RXRA: variants seen among roughly 807,000 people sequenced by gnomAD.
RXRA encodes the protein retinoid X receptor alpha, also known as retinoic acid receptor RXR-alpha.
Under a neutral mutation model 44.5 loss-of-function variants are expected in RXRA, and 5 were observed. The observed-to-expected ratio is 0.11, with a 90% CI of 0.06 to 0.24. The LOEUF (loss-of-function observed/expected upper bound fraction) is 0.24, where lower values mean the gene tolerates loss of function less well. Among genes scored for constraint, RXRA ranks in the 10% least tolerant of loss-of-function variants. The pLI, the probability that RXRA is intolerant of heterozygous loss-of-function variation, is 1.00. For synonymous variants in RXRA, 291 were observed against 271.4 expected, an observed-to-expected ratio of 1.07 and a Z score of -0.71; for missense variants, 412 against 646.5, an observed-to-expected ratio of 0.64 and a Z score of 3.93.
chr9:134,378,497 T>C (rs942746347), intron 1 of RXRA, among the ~76,000 whole-genome samples: 2 of 152,088 alleles, frequency 1.3e-5, no homozygotes, highest in Non-Finnish European at 2.9e-5. Context: ...CAAATGTGGA[T>C]GCTTGTTGGT....
At chr9:134,368,796 CTG>C (rs763630713) in intron 1 of RXRA, among the ~76,000 whole-genome samples, 6 of 149,818 alleles carry the variant, frequency 4.0e-5, no homozygotes, top group African/African-American at 7.4e-5. Context: ...GTGCATGTGA[CTG>C]TGCATGTGAG....
intron 1 of RXRA, among the ~76,000 whole-genome samples, chr9:134,369,961 C>T (rs1371195508): frequency 6.6e-6 from 1 of 152,156 alleles, no homozygotes; most frequent in African/African-American, 2.4e-5. Context: ...TGCCTCCTGC[C>T]CAGTGGGATG....
chr9:134,411,501 C>T (rs1421961579), intron 4 of RXRA, among the ~76,000 whole-genome samples: 2 of 152,206 alleles, frequency 1.3e-5, no homozygotes, highest in East Asian at 1.9e-4. Flanking sequence ...AGAGGTGAGC[C>T]GTGGGGAGGT....
intron 1 of RXRA, among the ~76,000 whole-genome samples, chr9:134,369,846 G>A (rs1260181385): frequency 6.6e-6 from 1 of 152,148 alleles, no homozygotes; most frequent in Non-Finnish European, 1.5e-5. Context: ...AAGGCTCACT[G>A]TAACCTGAAA....
rs573130259 is a variant in RXRA, at chr9:134,422,414, C to T, written c.910+609C>T. ...GACACTCCCCCGTCCCGTGACATTC[C>T]ACTCTCCCTGGACGCTCCCCTCTCC... On this transcript the variant is annotated intron_variant, in intron 6 of 9. Coordinates refer to ENST00000481739, the MANE Select transcript of RXRA (RefSeq NM_002957.6). 224 of 1,277,646 alleles carry T rather than the reference C, an allele frequency of 1.8e-4. 1 individual carries two copies. The African/African-American group carries it at 3.2e-3, about 18-fold the overall frequency. The allele number at this position is 1,277,646 out of a possible 1,614,324, so 79.1% of individuals were successfully genotyped here.
chr9:134,379,319 G>T, intron 1 of RXRA: 1 of 987,208 alleles, frequency 1.0e-6, no homozygotes, highest in Non-Finnish European at 1.2e-6. Context: ...CATGGGGTGG[G>T]GATGAAGGAG....
rs1554748399 is a variant in RXRA at position 134,343,910 on chromosome 9, C to T, written c.28+17251C>T. On this transcript the variant is annotated intron_variant, in intron 1 of 9. Coordinates refer to ENST00000481739, the MANE Select transcript of RXRA (RefSeq NM_002957.6). The surrounding 1 kb of genome is among the most constrained non-coding windows in gnomAD (Gnocchi z 4.1). ...TTCTCACCTTCTGGCCGGTCATTGG[C>T]CCTCGTGGCCCTACCACAGTGGGGT... Among the ~76,000 whole-genome samples the T allele has an allele frequency of 6.6e-6, 1 of 152,176 alleles. No homozygotes were observed. The highest frequency in any genetic ancestry group is 2.4e-5 in the African/African-American group (1 of 41,446).
At chr9:134,330,242 C>T (rs1374044262) in intron 1 of RXRA, among the ~76,000 whole-genome samples, 28 of 152,228 alleles carry the variant, frequency 1.8e-4, no homozygotes. Context: ...CCGGGCTTTG[C>T]AAGCCAAGAC....
In RXRA at chr9:134,417,413, A is replaced by G; in HGVS notation, c.780+86A>G. Reference sequence around the variant, plus strand: ...CACCCTCCCACCTGAGCAGCTGATGAGCCAGAGAGGTCCTGGGGGCTGCCC... The same window carrying G: ...CACCCTCCCACCTGAGCAGCTGATGGGCCAGAGAGGTCCTGGGGGCTGCCC... On this transcript the variant is annotated intron_variant, in intron 5 of 9. Transcript: ENST00000481739. The surrounding 1 kb of genome is among the most constrained non-coding windows in gnomAD (Gnocchi z 6.1). 1 of 1,490,382 alleles carries G rather than the reference A, an allele frequency of 6.7e-7. No individual in the cohort carries two copies. Among genetic ancestry groups the G allele is most frequent in the Non-Finnish European group, 9.1e-7 (1 of 1,097,350 alleles). The allele number at this position is 1,490,382 out of a possible 1,614,324, so 92.3% of individuals were successfully genotyped here. A position where few individuals can be genotyped will look rare whatever the true frequency, so the allele number is the denominator to read the frequency against.
chr9:134,425,561 G>A (rs1831419306), intron 6 of RXRA: 1 of 746,964 alleles, frequency 1.3e-6, no homozygotes, highest in Admixed American at 6.6e-5. Context: ...GGTGGGGGGG[G>A]GTGAGGGGGG....
intron 1 of RXRA, among the ~76,000 whole-genome samples, chr9:134,369,144 A>G (rs1588268872): frequency 1.1e-4 from 3 of 26,094 alleles, no homozygotes; most frequent in South Asian, 1.5e-3. Context: ...GTGTGGGGTT[A>G]TGTGTGTGTG....
chr9:134,355,609 A>G (rs1830273899), intron 1 of RXRA, among the ~76,000 whole-genome samples: 1 of 151,838 alleles, frequency 6.6e-6, no homozygotes, highest in African/African-American at 2.4e-5. Context: ...GAGGGGCACC[A>G]CTGTCCACAG....
At chr9:134,328,460 G>A (rs1554746282) in intron 1 of RXRA, among the ~76,000 whole-genome samples, 1 of 152,060 alleles carries the variant, frequency 6.6e-6, no homozygotes, top group Non-Finnish European at 1.5e-5. Context: ...ATCTCCCTGG[G>A]CACTCCCCTG....
intron 1 of RXRA, among the ~76,000 whole-genome samples, chr9:134,352,977 G>A (rs1399218865): frequency 7.2e-5 from 11 of 152,158 alleles, no homozygotes; most frequent in Non-Finnish European, 2.9e-5. Flanking sequence ...CACTTGGAAA[G>A]CCAGCTGGGG....
At chr9:134,336,116 CA>C (rs1830000614) in intron 1 of RXRA, among the ~76,000 whole-genome samples, 1 of 152,190 alleles carries the variant, frequency 6.6e-6, no homozygotes, top group Admixed American at 6.5e-5. Context: ...GGGCCTTCGT[CA>C]GGGGTGCCAG....
chr9:134,417,139 T>C lies in RXRA; in HGVS notation c.611-19T>C. ...GGCCGGGCTGAGCGTGGGGCTCACC[T>C]GCGCCTCCCGGGTTGTAGCCGTGCA... is the stretch of plus-strand genomic sequence containing the variant. On this transcript the variant is annotated intron_variant, in intron 4 of 9. Coordinates refer to ENST00000481739, the MANE Select transcript of RXRA (RefSeq NM_002957.6). The surrounding 1 kb of genome is among the most constrained non-coding windows in gnomAD (Gnocchi z 6.1). 1 of 1,604,048 alleles carries C rather than the reference T, an allele frequency of 6.2e-7. No homozygotes were observed.
At chr9:134,422,418 C>CT (rs1831359047) in intron 6 of RXRA, 1 of 1,274,338 alleles carries the variant, frequency 7.8e-7, no homozygotes, top group Admixed American at 2.4e-5. Flanking sequence ...ACATTCCACT[C>CT]TCCCTGGACG....
chr9:134,337,851 A>G (rs1830030094), intron 1 of RXRA, among the ~76,000 whole-genome samples: 2 of 152,156 alleles, frequency 1.3e-5, no homozygotes, highest in East Asian at 3.9e-4. Context: ...CAGACGTAGA[A>G]TGCAAAACTT....
At chr9:134,351,506 A>G (rs781953680) in intron 1 of RXRA, among the ~76,000 whole-genome samples, 4 of 152,216 alleles carry the variant, frequency 2.6e-5, no homozygotes, top group Non-Finnish European at 5.9e-5. Flanking sequence ...TAGGGCAGGG[A>G]TCCTTCACCT....
Sources: allele counts gnomAD v4.1 joint callset (sites outside exome capture counted in the v4.1 genomes callset), GRCh38; gene constraint gnomAD v4.1.1; non-coding constraint Gnocchi (gnomAD v3.1); transcripts MANE v1.5; gene names NCBI Gene and HGNC (gene_info 2026-07-23, HGNC 2026-07-21).